The following KCNN3 variants were observed in gnomAD, a reference collection of about 807,000 sequenced individuals.
The protein encoded by KCNN3 is small conductance calcium-activated potassium channel protein 3.
Under a neutral mutation model 62.9 loss-of-function variants are expected in KCNN3, and 16 were observed. The observed-to-expected ratio is 0.25, with a 90% CI of 0.17 to 0.39. The LOEUF (loss-of-function observed/expected upper bound fraction) is 0.39. Ranked by LOEUF, KCNN3 falls within the 10% of genes least tolerant of loss-of-function variation. KCNN3 has a pLI of 1.00. For missense variants in KCNN3, 599 were observed against 949.4 expected (o/e 0.63, Z 4.85); for synonymous variants, 370 against 389.2 (o/e 0.95, Z 0.58).
In KCNN3 at chr1:154,869,570, A is replaced by C; in HGVS notation, c.395T>G (p.Leu132Arg). The C allele has an allele frequency of 6.2e-7, 1 of 1,613,824 alleles. No individual in the cohort carries two copies. The highest frequency in any genetic ancestry group is 1.6e-4 in the Middle Eastern group (1 of 6,062). ...PSSRQGSQLN[L>R]NDHLLGHSPS... ...AGAGTGGCCAAGCAAGTGGTCATTG[A>C]GATTGAGCTGGCTGCCTTGCCTGGA... Residue 132 changes from leucine to arginine, a missense_variant, in exon 1 of 8, where the codon CTC becomes CGC. This residue lies in a region of KCNN3 where 112 missense variants were observed against 142.9 expected (regional missense o/e 0.78). Coordinates refer to ENST00000271915, the MANE Select transcript of KCNN3 (RefSeq NM_002249.6). The surrounding 1 kb of genome is among the most constrained non-coding windows in gnomAD (Gnocchi z 6.1).
In KCNN3 at chr1:154,754,389, G is replaced by A. The variant is rs988129879; in HGVS notation, c.1448+17586C>T. 5.9e-5 allele frequency among the ~76,000 whole-genome samples: 9 copies of A among 152,154 alleles called. No homozygotes were observed. In the East Asian group the frequency reaches 1.5e-3, roughly 26 times the overall value. On this transcript the variant is annotated intron_variant, in intron 3 of 7. Transcript: ENST00000271915. ...TGGGAGTGGCATAAGGATGGGGAAC[G>A]ATTTGAGCCTGAGAGATGGTTGCAG...
At chr1:154,755,746 G>A (rs1647640121) in intron 3 of KCNN3, among the ~76,000 whole-genome samples, 1 of 144,382 alleles carries the variant, frequency 6.9e-6, no homozygotes, top group Admixed American at 7.2e-5. Flanking sequence ...AGAAGGCAAA[G>A]AAGAAGAAGG....
chr1:154,811,632 G>A (rs868391565), intron 2 of KCNN3, among the ~76,000 whole-genome samples: 1 of 152,152 alleles, frequency 6.6e-6, no homozygotes, highest in African/African-American at 2.4e-5. Context: ...TAATTCAAAG[G>A]TAAATCGGGG....
chr1:154,789,875 G>A (rs1440336073), intron 2 of KCNN3, among the ~76,000 whole-genome samples: 1 of 146,616 alleles, frequency 6.8e-6, no homozygotes, highest in Non-Finnish European at 1.5e-5. Context: ...CCCCAGGTTA[G>A]GAATGCTTGC....
At chr1:154,711,343 T>G (rs1571200028) in intron 7 of KCNN3, among the ~76,000 whole-genome samples, 2 of 81,250 alleles carry the variant, frequency 2.5e-5, no homozygotes, top group Non-Finnish European at 4.5e-5. Context: ...GGGACTGTTG[T>G]GGGGTGGGGG....
intron 1 of KCNN3, among the ~76,000 whole-genome samples, chr1:154,832,312 G>T (rs1013538941): frequency 1.1e-4 from 17 of 151,856 alleles, no homozygotes; most frequent in African/African-American, 4.1e-4. Context: ...TGGCTTTGAT[G>T]AATGCGTACC....
At chr1:154,792,809 T>C (rs1305035499) in intron 2 of KCNN3, among the ~76,000 whole-genome samples, 1 of 152,224 alleles carries the variant, frequency 6.6e-6, no homozygotes, top group Non-Finnish European at 1.5e-5. Flanking sequence ...GTTCTTTTCA[T>C]GCTGTTTCCA....
chr1:154,772,359 C>A lies in KCNN3; in HGVS notation c.1064G>T (p.Arg355Leu). Reference protein sequence around the residue: ...FVIDNGADDWRIAMTYERILY... With the variant: ...FVIDNGADDWLIAMTYERILY... ...GATGCGCTCGTAGGTCATGGCTATC[C>A]GCCAGTCATCCGCGCCATTGTCGAT... The change falls in exon 3 of 8, where the codon CGG becomes CTG. Residue 355 changes from arginine to leucine, a missense_variant. Arg to Leu is a moderately radical substitution (Grantham distance 102). Around this residue, in one of 7 missense-constraint regions of KCNN3, gnomAD observed 288 missense variants for 557.4 expected, o/e 0.52. Transcript: ENST00000271915. This position sits in a 1 kb window ranked among gnomAD's most constrained non-coding sequence, Gnocchi z 5.6. The A allele has an allele frequency of 6.2e-7, 1 of 1,614,156 alleles. No individual in the cohort carries two copies. Among genetic ancestry groups the A allele is most frequent in the Non-Finnish European group, 8.5e-7 (1 of 1,180,024 alleles).
intron 3 of KCNN3, among the ~76,000 whole-genome samples, chr1:154,758,020 A>G (rs941720398): frequency 6.6e-6 from 1 of 152,222 alleles, no homozygotes; most frequent in Non-Finnish European, 1.5e-5. Flanking sequence ...CCAGAGGTCA[A>G]TGGCTTAACC....
intron 3 of KCNN3, among the ~76,000 whole-genome samples, chr1:154,734,741 C>G (rs1700674165): frequency 6.6e-6 from 1 of 152,234 alleles, no homozygotes; most frequent in Admixed American, 6.5e-5. Context: ...TATTGAGCAC[C>G]TACTGTGTGG....
At chr1:154,822,018 G>A (rs1650919162) in intron 2 of KCNN3, 71 bp downstream of exon 2, 4 of 1,143,328 alleles carry the variant, frequency 3.5e-6, no homozygotes, top group Non-Finnish European at 5.3e-6. Flanking sequence ...TTTGGGGGTG[G>A]GGATGGGCTC....
chr1:154,716,832 C>T (rs1464043993), intron 5 of KCNN3, among the ~76,000 whole-genome samples: 2 of 152,152 alleles, frequency 1.3e-5, no homozygotes, highest in Non-Finnish European at 2.9e-5. Flanking sequence ...TGAACAGCAG[C>T]CTCCTGGCAA....
intron 2 of KCNN3, among the ~76,000 whole-genome samples, chr1:154,815,603 T>C (rs543279833): frequency 6.6e-6 from 1 of 152,244 alleles, no homozygotes; most frequent in Non-Finnish European, 1.5e-5. Flanking sequence ...TCTCAATGCC[T>C]AGCACAAAGT....
intron 1 of KCNN3, among the ~76,000 whole-genome samples, chr1:154,853,013 C>T (rs1025161377): frequency 6.6e-6 from 1 of 152,184 alleles, no homozygotes; most frequent in Non-Finnish European, 1.5e-5. Flanking sequence ...TTTTTAGAGA[C>T]AGGGTTTCAC....
At chr1:154,792,454 A>G (rs1649555911) in intron 2 of KCNN3, among the ~76,000 whole-genome samples, 1 of 152,252 alleles carries the variant, frequency 6.6e-6, no homozygotes, top group African/African-American at 2.4e-5. Context: ...ACTTTCTGCA[A>G]CCATCCTCAT....
intron 2 of KCNN3, among the ~76,000 whole-genome samples, chr1:154,818,096 T>A (rs1557991225): frequency 6.6e-6 from 1 of 152,252 alleles, no homozygotes; most frequent in East Asian, 1.9e-4. Flanking sequence ...ATAAACAAAA[T>A]GCATTGCTTC....
intron 2 of KCNN3, among the ~76,000 whole-genome samples, chr1:154,816,559 C>G (rs1650674937): frequency 6.6e-6 from 1 of 152,196 alleles, no homozygotes. Context: ...CTCCACGCCT[C>G]CGGATGTGAA....
chr1:154,746,832 C>CT (rs1700948541), intron 3 of KCNN3, among the ~76,000 whole-genome samples: 1 of 152,222 alleles, frequency 6.6e-6, no homozygotes, highest in Admixed American at 6.5e-5. Context: ...TTTGCACCCA[C>CT]TGGGTGGCCA....
chr1:154,737,554 A>G (rs1239308263), intron 3 of KCNN3, among the ~76,000 whole-genome samples: 3 of 152,200 alleles, frequency 2.0e-5, no homozygotes, highest in African/African-American at 7.2e-5. Context: ...ACAAACAAAA[A>G]GAAGGAACTC....
Sources: gnomAD v4.1 joint callset for allele counts (sites outside exome capture counted in the v4.1 genomes callset) on GRCh38, gnomAD v4.1.1 for gene constraint, gnomAD v4.1.1 regional missense constraint, Gnocchi (gnomAD v3.1) non-coding constraint, MANE v1.5 for transcripts, NCBI Gene and HGNC (gene_info 2026-07-23, HGNC 2026-07-21) for gene names.